The following PIEZO2 variants were observed in gnomAD, a reference collection of about 807,000 sequenced individuals.
PIEZO2 encodes piezo-type mechanosensitive ion channel component 2.
PIEZO2 carries 172 observed loss-of-function variants against 337.3 expected under a neutral mutation model. The observed-to-expected ratio is 0.51, with a 90% CI of 0.45 to 0.58. The LOEUF is 0.58. PIEZO2 is among the 20% of genes least tolerant of loss of function. PIEZO2 has a pLI of 0.00. For synonymous variants in PIEZO2, 1,251 were observed against 1,228.5 expected, an observed-to-expected ratio of 1.02 and a Z score of -0.38; for missense variants, 3,028 against 3,391.3, an observed-to-expected ratio of 0.89 and a Z score of 2.66.
At chr18:11,006,537 A>G (rs1260453320) in intron 2 of PIEZO2, among the ~76,000 whole-genome samples, 3 of 152,136 alleles carry the variant, frequency 2.0e-5, no homozygotes, top group Non-Finnish European at 4.4e-5. Flanking sequence ...CTCAGAGTTA[A>G]ATTTATGGAG....
intron 12 of PIEZO2, 48 bp downstream of exon 12, chr18:10,797,326 T>G (rs1357538700): frequency 7.5e-7 from 1 of 1,334,166 alleles, no homozygotes. Flanking sequence ...CATACCATCA[T>G]ATCATATTAT....
rs2039899075 is a variant in PIEZO2 at position 11,116,671 on chromosome 18, C to T, written c.64+31854G>A. ...GCGTAGCTTGCAGTGAGCCGAGATC[C>T]GCCACCGCACTCCAGCCTGGGCGAC... On this transcript the variant is annotated intron_variant, in intron 1 of 55. Coordinates refer to ENST00000674853, the MANE Select transcript of PIEZO2 (RefSeq NM_001378183.1). The surrounding 1 kb of genome is among the most constrained non-coding windows in gnomAD (Gnocchi z 5.0). Among the ~76,000 whole-genome samples, 1 of 151,562 alleles carries T rather than the reference C, an allele frequency of 6.6e-6. No homozygotes were observed. The highest frequency in any genetic ancestry group is 1.5e-5 in the Non-Finnish European group (1 of 67,916).
rs142239959 is a variant in PIEZO2, at chr18:10,923,721, A to G, written c.287-12493T>C. Among the ~76,000 whole-genome samples the G allele has an allele frequency of 5.9e-5, 9 of 152,344 alleles. No homozygotes were observed. In the East Asian group the frequency reaches 1.7e-3, roughly 29 times the overall value. On this transcript the variant is annotated intron_variant, in intron 3 of 55. Coordinates refer to ENST00000674853, the MANE Select transcript of PIEZO2 (RefSeq NM_001378183.1). ...TGAGTAAACTGCACCCATGGTGCTCATCTCCCTCTGTCAGTTTTCTCTCAG... is the reference window on the plus strand; with the variant it reads ...TGAGTAAACTGCACCCATGGTGCTCGTCTCCCTCTGTCAGTTTTCTCTCAG...
intron 3 of PIEZO2, among the ~76,000 whole-genome samples, chr18:10,913,087 A>C (rs2145084946): frequency 6.6e-6 from 1 of 152,234 alleles, no homozygotes; most frequent in African/African-American, 2.4e-5. Context: ...ACAATTAAGA[A>C]TCCCTTTCTC....
In PIEZO2 at chr18:11,148,156, G is replaced by T. The variant is rs1273262612; in HGVS notation, c.64+369C>A. ...GCTGTGCTTGCAGGGTCACTGGGGC[G>T]AGGGGCTCAGGTAGGAGCCTGACTG... On this transcript the variant is annotated intron_variant, in intron 1 of 55. Transcript: ENST00000674853. This position sits in a 1 kb window ranked among gnomAD's most constrained non-coding sequence, Gnocchi z 5.2. Among the ~76,000 whole-genome samples the T allele has an allele frequency of 2.0e-5, 3 of 152,150 alleles. No homozygotes were observed. The highest frequency in any genetic ancestry group is 4.4e-5 in the Non-Finnish European group (3 of 68,016).
intron 4 of PIEZO2, among the ~76,000 whole-genome samples, chr18:10,900,567 C>G (rs2043020433): frequency 6.6e-6 from 1 of 152,208 alleles, no homozygotes; most frequent in Non-Finnish European, 1.5e-5. Context: ...TCAGTCAGTA[C>G]TTCACCCAGA....
At chr18:11,091,664 A>G (rs188872380) in intron 1 of PIEZO2, among the ~76,000 whole-genome samples, 11 of 152,316 alleles carry the variant, frequency 7.2e-5, no homozygotes, top group Non-Finnish European at 1.0e-4. Context: ...TGGGGGTTCA[A>G]TGAGATGCCA....
chr18:10,714,840 C>T lies in PIEZO2; in HGVS notation c.5347G>A (p.Glu1783Lys), dbSNP rs779439901. 6 of 1,537,212 alleles carry T rather than the reference C, an allele frequency of 3.9e-6. No individual in the cohort carries two copies. The highest frequency in any genetic ancestry group is 1.4e-5 in the African/African-American group (1 of 73,152). ...SRESGLDTID[E>K]HPGAASGAQT... ...GCACCTGAAGCAGCTCCGGGATGCT[C>T]GTCAATGGTGTCCAGTCCCGACTCT... The change falls in exon 39 of 56, where the codon GAG (glutamate) becomes AAG (lysine). Residue 1783 changes from glutamate to lysine, a missense_variant. By Grantham distance (56) the Glu-to-Lys change is moderately conservative. Coordinates refer to ENST00000674853, the MANE Select transcript of PIEZO2 (RefSeq NM_001378183.1).
chr18:10,763,974 CAG>C (rs2038248187), intron 21 of PIEZO2, among the ~76,000 whole-genome samples: 1 of 152,114 alleles, frequency 6.6e-6, no homozygotes, highest in Admixed American at 6.5e-5. Flanking sequence ...GAGTGGATAA[CAG>C]TGCCATTACT....
At chr18:10,867,266 A>T (rs2042030888) in intron 5 of PIEZO2, among the ~76,000 whole-genome samples, 1 of 152,234 alleles carries the variant, frequency 6.6e-6, no homozygotes, top group Non-Finnish European at 1.5e-5. Context: ...AGAAGACAAC[A>T]AAATGATTGA....
intron 42 of PIEZO2, 49 bp from the exon 43 acceptor site, chr18:10,702,220 G>C (rs1030304844): frequency 2.3e-5 from 34 of 1,479,866 alleles, no homozygotes; most frequent in Non-Finnish European, 2.9e-5. Context: ...TTTAGGAATA[G>C]ATATACCTGT....
intron 2 of PIEZO2, among the ~76,000 whole-genome samples, chr18:11,045,740 A>G (rs1441116752): frequency 6.6e-6 from 1 of 152,214 alleles, no homozygotes; most frequent in Non-Finnish European, 1.5e-5. Flanking sequence ...AGGAATGTGA[A>G]TTCACACATA....
At position 10,888,731 on chromosome 18, in the gene PIEZO2, C is replaced by T. The variant is rs1598635267; in HGVS notation, c.330-17316G>A. Among the ~76,000 whole-genome samples the T allele has an allele frequency of 6.6e-6, 1 of 152,084 alleles. No homozygotes were observed. Among genetic ancestry groups the T allele is most frequent in the African/African-American group, 2.4e-5 (1 of 41,378 alleles). On this transcript the variant is annotated intron_variant, in intron 4 of 55. Transcript: ENST00000674853. The surrounding 1 kb of genome is among the most constrained non-coding windows in gnomAD (Gnocchi z 4.1). The stretch of plus-strand genomic sequence containing the variant: ...CTCTGATAGTGACAAACATGGCTCC[C>T]ATTATCCTTAATATATTTAGTTAAG...
At chr18:10,889,171 C>A (rs975295949) in intron 4 of PIEZO2, among the ~76,000 whole-genome samples, 1 of 152,178 alleles carries the variant, frequency 6.6e-6, no homozygotes, top group African/African-American at 2.4e-5. Context: ...CCGTCACCTG[C>A]CATCTTCTAG....
At chr18:10,693,356 T>TTGTG (rs1174582024) in intron 47 of PIEZO2, among the ~76,000 whole-genome samples, 11,634 of 89,858 alleles carry the variant, frequency 0.13, 507 homozygotes, top group African/African-American at 0.16. Context: ...AATCTGGATT[T>TTGTG]TGTGTGTGTG....
intron 21 of PIEZO2, among the ~76,000 whole-genome samples, chr18:10,768,184 C>A (rs1040846972): frequency 2.0e-5 from 3 of 152,108 alleles, no homozygotes; most frequent in African/African-American, 7.2e-5. Context: ...ACCCGAGTCT[C>A]GATGATTCTC....
At chr18:10,964,395 T>C (rs2033915257) in intron 3 of PIEZO2, among the ~76,000 whole-genome samples, 1 of 152,190 alleles carries the variant, frequency 6.6e-6, no homozygotes, top group South Asian at 2.1e-4. Context: ...CCTTGTAAAA[T>C]ATATTTGCAG....
In PIEZO2 at chr18:11,028,389, T is replaced by C. The variant is rs768272660; in HGVS notation, c.160+37738A>G. Among the ~76,000 whole-genome samples, 3 of 152,080 alleles carry C rather than the reference T, an allele frequency of 2.0e-5. No homozygotes were observed. The highest frequency in any genetic ancestry group is 2.9e-5 in the Non-Finnish European group (2 of 68,022). On this transcript the variant is annotated intron_variant, in intron 2 of 55. Coordinates refer to ENST00000674853, the MANE Select transcript of PIEZO2 (RefSeq NM_001378183.1). This position sits in a 1 kb window ranked among gnomAD's most constrained non-coding sequence, Gnocchi z 4.8. ...AATTATCTTGCCTCAGCCTCCTGAGTAGCTGGAAGTACAGGCACGCACATC... is the reference window on the plus strand; with the variant it reads ...AATTATCTTGCCTCAGCCTCCTGAGCAGCTGGAAGTACAGGCACGCACATC...
intron 51 of PIEZO2, 72 bp from the exon 52 acceptor site, chr18:10,680,443 TC>T (rs2034214946): frequency 3.7e-6 from 5 of 1,350,390 alleles, no homozygotes; most frequent in Non-Finnish European, 5.1e-6. Flanking sequence ...CAGTCACTCT[TC>T]CTTTTAACTG....
Sources: gnomAD v4.1 joint callset for allele counts (sites outside exome capture counted in the v4.1 genomes callset) on GRCh38, gnomAD v4.1.1 for gene constraint, Gnocchi (gnomAD v3.1) non-coding constraint, MANE v1.5 for transcripts, NCBI Gene and HGNC (gene_info 2026-07-23, HGNC 2026-07-21) for gene names.